ROBO2: variants seen among roughly 807,000 people sequenced by gnomAD.
The protein encoded by ROBO2 is roundabout homolog 2.
A neutral mutation model predicts 160.8 loss-of-function variants in ROBO2; 53 were observed. The observed-to-expected ratio is 0.33, with a 90% CI of 0.26 to 0.41. The LOEUF (loss-of-function observed/expected upper bound fraction) is 0.41, where lower values mean the gene tolerates loss of function less well. Ranked by LOEUF, ROBO2 falls within the 10% of genes least tolerant of loss-of-function variation. The pLI, the probability that ROBO2 is intolerant of heterozygous loss-of-function variation, is 1.00. For synonymous variants in ROBO2, 664 were observed against 611.7 expected (o/e 1.09, Z -1.26); for missense variants, 1,577 against 1,722.4 (o/e 0.92, Z 1.49).
exon 10 of ROBO2, chr3:77,562,702 A>T (rs375218382): frequency 6.2e-7 from 1 of 1,612,686 alleles, no homozygotes; most frequent in Non-Finnish European, 8.5e-7. Flanking sequence ...AAGTGGAGAG[A>T]CTTCCTGGAG....
chr3:76,508,346 T>C (rs993100475), intron 2 of ROBO2, among the ~76,000 whole-genome samples: 5 of 152,130 alleles, frequency 3.3e-5, no homozygotes, highest in African/African-American at 4.8e-5. Context: ...CATTCCTTAA[T>C]TGAATTTCCC....
intron 1 of ROBO2, among the ~76,000 whole-genome samples, chr3:77,060,354 TAGA>T (rs2066175159): frequency 6.6e-6 from 1 of 152,156 alleles, no homozygotes. Context: ...TGGAGAAACC[TAGA>T]AGAATTCCGC....
At chr3:77,011,303 T>A (rs533330907) in intron 2 of ROBO2, among the ~76,000 whole-genome samples, 1 of 152,076 alleles carries the variant, frequency 6.6e-6, no homozygotes, top group Non-Finnish European at 1.5e-5. Flanking sequence ...TCCCCTATAG[T>A]AGGCCTTCAA....
At chr3:76,082,689 ACT>A (rs2068874044) in intron 2 of ROBO2, among the ~76,000 whole-genome samples, 1 of 151,818 alleles carries the variant, frequency 6.6e-6, no homozygotes, top group Non-Finnish European at 1.5e-5. Flanking sequence ...AGTCGCTGCT[ACT>A]CTCTTTCCTT....
intron 2 of ROBO2, among the ~76,000 whole-genome samples, chr3:76,018,594 C>G (rs1220177751): frequency 6.6e-6 from 1 of 151,804 alleles, no homozygotes; most frequent in Non-Finnish European, 1.5e-5. Context: ...ATTTCCAAAT[C>G]TACAAATTTT....
At chr3:76,215,138 C>T (rs958093842) in intron 2 of ROBO2, among the ~76,000 whole-genome samples, 2 of 152,122 alleles carry the variant, frequency 1.3e-5, no homozygotes, top group Non-Finnish European at 2.9e-5. Flanking sequence ...ACAGAAAGGA[C>T]ATCCACACCA....
chr3:77,075,189 C>G (rs1450915878), intron 1 of ROBO2, among the ~76,000 whole-genome samples: 2 of 151,970 alleles, frequency 1.3e-5, no homozygotes, highest in Admixed American at 6.6e-5. Context: ...AACAACCGAC[C>G]AGGTTTTTTG....
At chr3:77,276,837 A>G (rs1235250040) in intron 2 of ROBO2, among the ~76,000 whole-genome samples, 1 of 152,218 alleles carries the variant, frequency 6.6e-6, no homozygotes, top group East Asian at 1.9e-4. Context: ...AATGAGGAGC[A>G]AAGTCACATA....
intron 1 of ROBO2, among the ~76,000 whole-genome samples, chr3:75,932,169 C>A (rs1947573840): frequency 6.6e-6 from 1 of 152,154 alleles, no homozygotes; most frequent in African/African-American, 2.4e-5. Flanking sequence ...GAGGAAAAAT[C>A]ACCCTGCTTC....
intron 2 of ROBO2, among the ~76,000 whole-genome samples, chr3:76,623,664 A>C (rs2089397904): frequency 6.6e-6 from 1 of 152,218 alleles, no homozygotes; most frequent in South Asian, 2.1e-4. Flanking sequence ...CTATACTTCC[A>C]GAACCTACAT....
chr3:76,662,773 T>A (rs1426213197), intron 2 of ROBO2, among the ~76,000 whole-genome samples: 1 of 150,836 alleles, frequency 6.6e-6, no homozygotes, highest in East Asian at 2.0e-4. Flanking sequence ...AGTTGAGGAG[T>A]CAGGAAGGAA....
At chr3:76,073,364 G>A (rs2068533846) in intron 2 of ROBO2, among the ~76,000 whole-genome samples, 1 of 119,986 alleles carries the variant, frequency 8.3e-6, no homozygotes, top group Non-Finnish European at 1.6e-5. Flanking sequence ...CGCGATCTGG[G>A]CTCACTGCAA....
At chr3:76,876,594 G>C (rs1362550888) in intron 2 of ROBO2, among the ~76,000 whole-genome samples, 1 of 151,978 alleles carries the variant, frequency 6.6e-6, no homozygotes, top group African/African-American at 2.4e-5. Flanking sequence ...AGAATTGCTT[G>C]AACCTGAGAG....
chr3:75,970,250 A>G (rs1446462364), intron 2 of ROBO2, among the ~76,000 whole-genome samples: 1 of 151,520 alleles, frequency 6.6e-6, no homozygotes, highest in Admixed American at 6.6e-5. Context: ...TCATAATTCT[A>G]TCTTTAATAG....
intron 2 of ROBO2, among the ~76,000 whole-genome samples, chr3:76,059,239 T>G (rs1371862424): frequency 1.3e-5 from 2 of 151,572 alleles, no homozygotes; most frequent in Non-Finnish European, 2.9e-5. Flanking sequence ...ACTTCCACAA[T>G]GGTTGAACTA....
intron 2 of ROBO2, among the ~76,000 whole-genome samples, chr3:75,959,529 ATTAC>A (rs1157286050): frequency 6.6e-6 from 1 of 151,646 alleles, no homozygotes; most frequent in African/African-American, 2.4e-5. Flanking sequence ...GATTTCATGA[ATTAC>A]TTATAATTTT....
intron 2 of ROBO2, among the ~76,000 whole-genome samples, chr3:76,303,022 A>T (rs1398017474): frequency 6.6e-6 from 1 of 152,194 alleles, no homozygotes; most frequent in African/African-American, 2.4e-5. Flanking sequence ...GAAATATTTT[A>T]TGTAATTGAT....
At chr3:77,026,977 T>C (rs1234926805) in intron 2 of ROBO2, among the ~76,000 whole-genome samples, 1 of 152,192 alleles carries the variant, frequency 6.6e-6, no homozygotes, top group Non-Finnish European at 1.5e-5. Context: ...CAACAGGTTT[T>C]TAGAAGGGAG....
chr3:76,523,992 G>T (rs942923290), intron 2 of ROBO2, among the ~76,000 whole-genome samples: 1 of 150,570 alleles, frequency 6.6e-6, no homozygotes, highest in Admixed American at 6.6e-5. Flanking sequence ...GTGTATGTGT[G>T]TGTGTGTGTG....
Sources: gnomAD v4.1 joint callset for allele counts (sites outside exome capture counted in the v4.1 genomes callset) on GRCh38, gnomAD v4.1.1 for gene constraint, MANE v1.5 for transcripts, NCBI Gene and HGNC (gene_info 2026-07-23, HGNC 2026-07-21) for gene names.